ABHD2: variants seen among roughly 807,000 people sequenced by gnomAD.
The protein encoded by ABHD2 is monoacylglycerol lipase ABHD2.
Under a neutral mutation model 48.1 loss-of-function variants are expected in ABHD2, and 20 were observed. The observed-to-expected ratio is 0.42, with a 90% CI of 0.29 to 0.60. The LOEUF (loss-of-function observed/expected upper bound fraction) is 0.60, where lower values mean the gene tolerates loss of function less well. Among genes scored for constraint, ABHD2 ranks in the 20% least tolerant of loss-of-function variants. The pLI is 0.24. For missense variants in ABHD2, 405 were observed against 550.9 expected (o/e 0.74, Z 2.65); for synonymous variants, 209 against 214.2 (o/e 0.98, Z 0.21).
At chr15:89,163,183 C>T (rs2050788445) in intron 5 of ABHD2, among the ~76,000 whole-genome samples, 1 of 152,200 alleles carries the variant, frequency 6.6e-6, no homozygotes. Flanking sequence ...CTGTTATGCA[C>T]CTGCCTCAGA....
chr15:89,054,321 C>CA, the ABHD2 span, among the ~76,000 whole-genome samples: 3 of 138,030 alleles, frequency 2.2e-5, no homozygotes, highest in African/African-American at 2.7e-5. Flanking sequence ...GACTCTGTCT[C>CA]AAAAAAAAAA....
chr15:89,066,693 G>A, the ABHD2 span, among the ~76,000 whole-genome samples: 1 of 152,150 alleles, frequency 6.6e-6, no homozygotes. Context: ...GAGGTCTTAA[G>A]CCACAGCAGG....
intron 6 of ABHD2, among the ~76,000 whole-genome samples, chr15:89,178,144 A>G (rs2051047157): frequency 6.6e-6 from 1 of 152,176 alleles, no homozygotes; most frequent in South Asian, 2.1e-4. Context: ...TTGCAACTTT[A>G]TTGTCTGGAG....
Position 89,189,137 on chromosome 15 carries a change from A to G in ABHD2, c.926+834A>G, listed in dbSNP as rs756771169. ...GAGGTTAGCCTCAGCTGAAAAAGGA[A>G]AAGTTGACCTCTGATCTCATCATTC... On this transcript the variant is annotated intron_variant, in intron 8 of 10. Coordinates refer to ENST00000352732, the MANE Select transcript of ABHD2 (RefSeq NM_152924.5). This position sits in a 1 kb window ranked among gnomAD's most constrained non-coding sequence, Gnocchi z 4.9. Among the ~76,000 whole-genome samples the G allele has an allele frequency of 9.2e-5, 14 of 152,144 alleles. No homozygotes were observed. Among genetic ancestry groups the G allele is most frequent in the African/African-American group, 3.1e-4 (13 of 41,446 alleles).
intron 9 of ABHD2, among the ~76,000 whole-genome samples, chr15:89,192,715 T>A (rs2051327430): frequency 6.6e-6 from 1 of 152,156 alleles, no homozygotes; most frequent in African/African-American, 2.4e-5. Context: ...TTGTGTTTGT[T>A]TTAACAAATA....
At chr15:89,136,804 C>G (rs2050321267) in intron 3 of ABHD2, among the ~76,000 whole-genome samples, 1 of 152,244 alleles carries the variant, frequency 6.6e-6, no homozygotes, top group African/African-American at 2.4e-5. Flanking sequence ...AATCTTCCCT[C>G]CCCATAACGC....
rs1326380451 is a variant in ABHD2, at chr15:89,127,731, ATATATATATG to A, written c.194+11216_194+11225del. On this transcript the variant is annotated intron_variant, in intron 3 of 10. Coordinates refer to ENST00000352732, the MANE Select transcript of ABHD2 (RefSeq NM_152924.5). ...CATATATATATATACACATATATAT[ATATATATATG>A]TATATTTTAAAAATTAGTCAATTAG... Among the ~76,000 whole-genome samples the A allele has an allele frequency of 3.5e-4, 51 of 144,830 alleles. No individual in the cohort carries two copies. The South Asian group carries it at 4.6e-3, about 13-fold the overall frequency.
chr15:89,076,787 G>A, the ABHD2 span, among the ~76,000 whole-genome samples: 1 of 152,132 alleles, frequency 6.6e-6, no homozygotes, highest in South Asian at 2.1e-4. Context: ...CCCAGCTACG[G>A]TTTGTTTTCA....
Position 89,168,527 on chromosome 15 carries a change from A to G in ABHD2, c.539-7285A>G, listed in dbSNP as rs968744181. ...CACCATGTCTTTGCCCTTCCCTTGCATGGGAGAGGTGGCATCTCTTCACAG... is the reference window on the plus strand; with the variant it reads ...CACCATGTCTTTGCCCTTCCCTTGCGTGGGAGAGGTGGCATCTCTTCACAG... On this transcript the variant is annotated intron_variant, in intron 5 of 10. Coordinates refer to ENST00000352732, the MANE Select transcript of ABHD2 (RefSeq NM_152924.5). This position sits in a 1 kb window ranked among gnomAD's most constrained non-coding sequence, Gnocchi z 4.8. 2.0e-5 allele frequency among the ~76,000 whole-genome samples: 3 copies of G among 152,142 alleles called. No homozygotes were observed. Among genetic ancestry groups the G allele is most frequent in the African/African-American group, 7.2e-5 (3 of 41,448 alleles).
intron 10 of ABHD2, among the ~76,000 whole-genome samples, chr15:89,194,691 G>A (rs1164160251): frequency 6.6e-6 from 1 of 152,094 alleles, no homozygotes; most frequent in African/African-American, 2.4e-5. Flanking sequence ...GCATCACCTG[G>A]GAACTTTTTA....
chr15:89,054,344 A>T, the ABHD2 span, among the ~76,000 whole-genome samples: 1 of 151,964 alleles, frequency 6.6e-6, no homozygotes, highest in Non-Finnish European at 1.5e-5. Flanking sequence ...AAGGATTTTT[A>T]AAAAAGAATT....
the ABHD2 span, among the ~76,000 whole-genome samples, chr15:89,042,612 T>G: frequency 3.5e-5 from 3 of 85,724 alleles, no homozygotes; most frequent in African/African-American, 1.4e-4. Flanking sequence ...ATTTATTTAT[T>G]TATTTATTTA....
intron 1 of ABHD2, among the ~76,000 whole-genome samples, chr15:89,095,377 C>T (rs1035300433): frequency 7.9e-5 from 12 of 152,328 alleles, no homozygotes; most frequent in Middle Eastern, 6.8e-3. Context: ...GTGGTACAGA[C>T]TACACAATGT....
At position 89,167,422 on chromosome 15, in the gene ABHD2, A is replaced by T. The variant is rs1026075432; in HGVS notation, c.539-8390A>T. ...TGAGTTTGCAGAACTCAGACATCGT[A>T]GTAAAACACCTGGCAAGATCGTCTG... On this transcript the variant is annotated intron_variant, in intron 5 of 10. Coordinates refer to ENST00000352732, the MANE Select transcript of ABHD2 (RefSeq NM_152924.5). This position sits in a 1 kb window ranked among gnomAD's most constrained non-coding sequence, Gnocchi z 5.5. 6.6e-6 allele frequency among the ~76,000 whole-genome samples: 1 copy of T among 152,210 alleles called. No homozygotes were observed. Among genetic ancestry groups the T allele is most frequent in the Admixed American group, 6.5e-5 (1 of 15,280 alleles).
chr15:89,136,880 CAGACCATTG>C (rs550837915), intron 3 of ABHD2, among the ~76,000 whole-genome samples: 33 of 152,356 alleles, frequency 2.2e-4, no homozygotes, highest in Admixed American at 2.0e-3. Flanking sequence ...GGACAAAGAG[CAGACCATTG>C]GCATCTATGT....
At chr15:89,090,228 C>T (rs1438222758) in intron 1 of ABHD2, 1 of 152,146 alleles carries the variant, frequency 6.6e-6, no homozygotes, top group Non-Finnish European at 1.5e-5. Context: ...GGCTGTACAA[C>T]CTTGGGCAAG....
At chr15:89,064,628 A>G in the ABHD2 span, among the ~76,000 whole-genome samples, 5 of 152,148 alleles carry the variant, frequency 3.3e-5, no homozygotes, top group Admixed American at 3.3e-4. Flanking sequence ...ATTTCATGTC[A>G]ACAAAGTAAA....
chr15:89,048,793 A>G, the ABHD2 span, among the ~76,000 whole-genome samples: 17 of 152,038 alleles, frequency 1.1e-4, no homozygotes, highest in African/African-American at 4.1e-4. Context: ...CTAGTTATAC[A>G]TTCTTCTAAA....
chr15:89,043,870 A>AT, the ABHD2 span, among the ~76,000 whole-genome samples: 9 of 146,116 alleles, frequency 6.2e-5, no homozygotes, highest in Non-Finnish European at 1.2e-4. Context: ...TCCTCTTTGT[A>AT]TTTTTCTCTT....
Sources: allele counts gnomAD v4.1 joint callset (sites outside exome capture counted in the v4.1 genomes callset), GRCh38; gene constraint gnomAD v4.1.1; non-coding constraint Gnocchi (gnomAD v3.1); transcripts MANE v1.5; gene names NCBI Gene and HGNC (gene_info 2026-07-23, HGNC 2026-07-21).